The following MTCH1 variants were observed in gnomAD, a reference collection of about 807,000 sequenced individuals.
The protein encoded by MTCH1 is mitochondrial carrier homolog 1.
In MTCH1, 23 loss-of-function variants were observed where a neutral mutation model predicts 49.3. The ratio of observed to expected loss-of-function variants is 0.47; its 90% CI spans 0.34 to 0.66. MTCH1 has a LOEUF of 0.66. MTCH1 is among the 30% of genes least tolerant of loss of function. The probability of loss-of-function intolerance (pLI) is 0.01; values close to 1 mark genes in which losing one functional copy is unlikely to be tolerated. For synonymous variants in MTCH1, 229 were observed against 215.2 expected (o/e 1.06, Z -0.56); for missense variants, 397 against 532.1 (o/e 0.75, Z 2.50).
intron 11 of MTCH1, 116 bp from the exon 12 acceptor site, chr6:36,969,090 G>T: frequency 6.8e-7 from 1 of 1,476,986 alleles, no homozygotes. Flanking sequence ...CCCAGCTCCG[G>T]GGTGGACGGC....
chr6:36,981,707 G>A, intron 1 of MTCH1, 35 bp from the exon 2 acceptor site: 2 of 1,580,524 alleles, frequency 1.3e-6, no homozygotes, highest in Middle Eastern at 3.4e-4. Flanking sequence ...GACGCTCAGA[G>A]TCTCGTGGTG....
In MTCH1 at chr6:36,985,432, A is replaced by C. The variant is rs527993310; in HGVS notation, c.321+421T>G. Among the ~76,000 whole-genome samples the C allele has an allele frequency of 4.2e-3, 576 of 138,316 alleles. 3 individuals are homozygous for C. The highest frequency in any genetic ancestry group is 4.5e-3 in the Non-Finnish European group (288 of 63,466). The allele number at this position is 138,316 out of a possible 152,430, so 90.7% of individuals were successfully genotyped here. A position where few individuals can be genotyped will look rare whatever the true frequency, so the allele number is the denominator to read the frequency against. On this transcript the variant is annotated intron_variant, in intron 1 of 11. Coordinates refer to ENST00000373627, the MANE Select transcript of MTCH1 (RefSeq NM_001271641.2). ...GCCTGGGCCCCCAACCTTCCTCCCC[A>C]TCTCTTCACCCAAACTTCTTGCCCC... is the stretch of plus-strand genomic sequence containing the variant.
upstream of MTCH1, among the ~76,000 whole-genome samples, chr6:36,986,532 G>T (rs1000075563): frequency 6.6e-6 from 1 of 152,248 alleles, no homozygotes; most frequent in Non-Finnish European, 1.5e-5. Context: ...CACCTCCCTG[G>T]CTTCGGGAGT....
chr6:36,978,397 C>A, intron 3 of MTCH1, 108 bp downstream of exon 3: 1 of 1,175,044 alleles, frequency 8.5e-7, no homozygotes, highest in East Asian at 2.4e-5. Context: ...GTGAAGCCCC[C>A]AATGGTCTGG....
At chr6:36,970,578 G>C (rs1023424977) in intron 9 of MTCH1, 69 bp downstream of exon 9, 1 of 1,608,858 alleles carries the variant, frequency 6.2e-7, no homozygotes, top group African/African-American at 1.3e-5. Flanking sequence ...GCCATTACCA[G>C]GGTTGGCCTC....
intron 11 of MTCH1, chr6:36,969,519 C>T (rs187231237): frequency 6.2e-5 from 68 of 1,104,978 alleles, no homozygotes; most frequent in African/African-American, 5.4e-4. Context: ...GAGGTAGCTT[C>T]GGTACAGAAC....
upstream of MTCH1, chr6:36,986,207 GA>G (rs780989481): frequency 1.1e-5 from 16 of 1,408,568 alleles, no homozygotes; most frequent in African/African-American, 1.5e-5. Context: ...CCCGTCACGT[GA>G]CGGGGCCACG....
chr6:36,976,374 G>C (rs940818082), intron 6 of MTCH1: 1 of 362,660 alleles, frequency 2.8e-6, no homozygotes, highest in Non-Finnish European at 5.7e-6. Flanking sequence ...ACTAACAGAG[G>C]GAGCCAGTGG....
chr6:36,968,364 T>C lies in MTCH1; in HGVS notation c.*539A>G. ...TGATTTCCCATTCAGAGGCAGGTGCTGCCCTCATATCAGAAAAGTAGTGTT... is the reference window on the plus strand; with the variant it reads ...TGATTTCCCATTCAGAGGCAGGTGCCGCCCTCATATCAGAAAAGTAGTGTT... On this transcript the variant is annotated 3_prime_UTR_variant, in exon 12 of 12. Transcript: ENST00000373627. 1 of 257,446 alleles carries C rather than the reference T, an allele frequency of 3.9e-6. No homozygotes were observed. The highest frequency in any genetic ancestry group is 7.7e-6 in the Non-Finnish European group (1 of 129,366). The allele number at this position is 257,446 out of a possible 1,614,324, so 15.9% of individuals were successfully genotyped here. A position where few individuals can be genotyped will look rare whatever the true frequency, so the allele number is the denominator to read the frequency against.
intron 1 of MTCH1, among the ~76,000 whole-genome samples, chr6:36,983,203 G>C (rs576291058): frequency 6.6e-6 from 1 of 152,332 alleles, no homozygotes; most frequent in South Asian, 2.1e-4. Flanking sequence ...GTGGAGCAAA[G>C]GAGGAAAGGG....
At chr6:36,971,977 C>T (rs779804072) in intron 8 of MTCH1, among the ~76,000 whole-genome samples, 9 of 152,176 alleles carry the variant, frequency 5.9e-5, no homozygotes, top group Non-Finnish European at 1.3e-4. Flanking sequence ...CCTTCCTATG[C>T]CTGACCCGAC....
In MTCH1 at chr6:36,970,637, C is replaced by A. The variant is rs776848603; in HGVS notation, c.954+10G>T. ...GGCAGTGGGAAGGAAGGACAGCTGGCACAACTTACCCCCATCACGAACTTG... is the reference window on the plus strand; with the variant it reads ...GGCAGTGGGAAGGAAGGACAGCTGGAACAACTTACCCCCATCACGAACTTG... On this transcript the variant is annotated intron_variant, in intron 9 of 11. Transcript: ENST00000373627. The A allele has an allele frequency of 1.2e-6, 2 of 1,614,216 alleles. No individual in the cohort carries two copies. The highest frequency in any genetic ancestry group is 1.7e-6 in the Non-Finnish European group (2 of 1,180,024).
chr6:36,977,973 C>T lies in MTCH1; in HGVS notation c.591+105G>A. On this transcript the variant is annotated intron_variant, in intron 4 of 11. Coordinates refer to ENST00000373627, the MANE Select transcript of MTCH1 (RefSeq NM_001271641.2). This position sits in a 1 kb window ranked among gnomAD's most constrained non-coding sequence, Gnocchi z 5.4. ...CCTTACCATCCCACCCATGCATACACAAGGACCCAACTCTTCGACTTGTCA... is the reference window on the plus strand; with the variant it reads ...CCTTACCATCCCACCCATGCATACATAAGGACCCAACTCTTCGACTTGTCA... The T allele has an allele frequency of 1.9e-6, 2 of 1,064,642 alleles. No individual in the cohort carries two copies. The highest frequency in any genetic ancestry group is 1.7e-5 in the Admixed American group (1 of 57,442). 65.9% of individuals were successfully genotyped at this position (1,064,642 alleles called of 1,614,324 possible).
intron 2 of MTCH1, among the ~76,000 whole-genome samples, chr6:36,980,860 T>C (rs1764060180): frequency 6.6e-6 from 1 of 152,050 alleles, no homozygotes; most frequent in Non-Finnish European, 1.5e-5. Context: ...AGGGTGAACA[T>C]GAAAAGGCCC....
Position 36,968,192 on chromosome 6 carries a change from G to T in MTCH1, c.*711C>A, listed in dbSNP as rs1763547482. 1 of 153,390 alleles carries T rather than the reference G, an allele frequency of 6.5e-6. No homozygotes were observed. Among genetic ancestry groups the T allele is most frequent in the Non-Finnish European group, 1.5e-5 (1 of 68,902 alleles). 9.5% of individuals were successfully genotyped at this position (153,390 alleles called of 1,614,324 possible). ...GGGAGATGAGGTCAAATCTTACCAT[G>T]AACTTTAAAACTGGGTAGGACTAGA... On this transcript the variant is annotated 3_prime_UTR_variant, in exon 12 of 12. Coordinates refer to ENST00000373627, the MANE Select transcript of MTCH1 (RefSeq NM_001271641.2).
At chr6:36,979,153 C>T (rs930897548) in intron 2 of MTCH1, among the ~76,000 whole-genome samples, 1 of 152,148 alleles carries the variant, frequency 6.6e-6, no homozygotes, top group African/African-American at 2.4e-5. Flanking sequence ...GCAGTCTCCA[C>T]CCTGTCACTG....
intron 10 of MTCH1, 87 bp from the exon 11 acceptor site, chr6:36,970,201 C>T: frequency 6.7e-7 from 1 of 1,493,146 alleles, no homozygotes. Context: ...TGCCTTCAGG[C>T]TACCACCCAT....
At chr6:36,979,639 G>A (rs781606059) in intron 2 of MTCH1, among the ~76,000 whole-genome samples, 5 of 152,196 alleles carry the variant, frequency 3.3e-5, no homozygotes, top group Non-Finnish European at 7.3e-5. Flanking sequence ...TGCCTGAGAT[G>A]AGGGTGGGCT....
intron 1 of MTCH1, among the ~76,000 whole-genome samples, chr6:36,983,878 T>C (rs1764196943): frequency 6.6e-6 from 1 of 152,150 alleles, no homozygotes; most frequent in Non-Finnish European, 1.5e-5. Flanking sequence ...CCCTAATATA[T>C]GTTACACTCA....
Sources: allele counts gnomAD v4.1 joint callset (sites outside exome capture counted in the v4.1 genomes callset), GRCh38; gene constraint gnomAD v4.1.1; non-coding constraint Gnocchi (gnomAD v3.1); transcripts MANE v1.5; gene names NCBI Gene and HGNC (gene_info 2026-07-23, HGNC 2026-07-21).